The following CHD6 variants were observed in gnomAD, a reference collection of about 807,000 sequenced individuals.
CHD6 encodes the protein ATP-dependent chromatin remodeler CHD6.
A neutral mutation model predicts 276.9 loss-of-function variants in CHD6; 50 were observed. That is an observed-to-expected ratio of 0.18 (90% CI 0.14 to 0.23). The LOEUF is 0.23. Ranked by LOEUF, CHD6 falls within the 10% of genes least tolerant of loss-of-function variation. The pLI, the probability that CHD6 is intolerant of heterozygous loss-of-function variation, is 1.00. For missense variants in CHD6, 2,564 were observed against 3,365.8 expected (o/e 0.76, Z 5.89); for synonymous variants, 1,173 against 1,229.3 (o/e 0.95, Z 0.96).
At chr20:41,491,418 T>C (rs1481848454) in intron 11 of CHD6, among the ~76,000 whole-genome samples, 1 of 151,524 alleles carries the variant, frequency 6.6e-6, no homozygotes, top group Non-Finnish European at 1.5e-5. Context: ...AAGGATATTC[T>C]GGATTTTGTT....
intron 8 of CHD6, among the ~76,000 whole-genome samples, chr20:41,495,059 A>G (rs1249535139): frequency 6.6e-6 from 1 of 151,696 alleles, no homozygotes; most frequent in African/African-American, 2.4e-5. Context: ...AAAAAAACCC[A>G]GTTTGTTCAA....
chr20:41,541,956 C>T (rs564553193), intron 2 of CHD6, among the ~76,000 whole-genome samples: 1 of 152,236 alleles, frequency 6.6e-6, no homozygotes, highest in Non-Finnish European at 1.5e-5. Context: ...TTCTTGTTAA[C>T]TCTAGGCAGT....
chr20:41,595,124 G>T (rs1392683564), intron 1 of CHD6, among the ~76,000 whole-genome samples: 1 of 152,260 alleles, frequency 6.6e-6, no homozygotes, highest in Admixed American at 6.5e-5. Flanking sequence ...CAGGGGTGAG[G>T]GATCGAGACC....
intron 1 of CHD6, among the ~76,000 whole-genome samples, chr20:41,588,813 T>C (rs1219938375): frequency 6.6e-6 from 1 of 152,120 alleles, no homozygotes; most frequent in Non-Finnish European, 1.5e-5. Context: ...CTCCCCTTTC[T>C]CCCCTTATAG....
chr20:41,556,323 C>A (rs189058360), intron 1 of CHD6, among the ~76,000 whole-genome samples: 2,510 of 89,236 alleles, frequency 0.028, 144 homozygotes, highest in South Asian at 0.042. Context: ...AGGGAGAGGG[C>A]ACCTTTTTTT....
At chr20:41,482,812 G>A (rs985068979) in intron 16 of CHD6, among the ~76,000 whole-genome samples, 1 of 152,056 alleles carries the variant, frequency 6.6e-6, no homozygotes, top group African/African-American at 2.4e-5. Flanking sequence ...AAAATAAATT[G>A]GGATGCCATA....
intron 17 of CHD6, among the ~76,000 whole-genome samples, chr20:41,464,689 C>T (rs957291714): frequency 7.9e-5 from 12 of 152,228 alleles, no homozygotes; most frequent in Non-Finnish European, 1.6e-4. Context: ...GCTCCATGTG[C>T]ACAGAGGGTC....
rs187598120 is a variant in CHD6, at chr20:41,517,474, C to T, written c.555-2522G>A. On this transcript the variant is annotated intron_variant, in intron 3 of 36. Coordinates refer to ENST00000373233, the MANE Select transcript of CHD6 (RefSeq NM_032221.5). ...AACTATTTTGATCCAACCTAAAGAACTGAAACTCTAGGGGTCATGCCATTT... is the reference window on the plus strand; with the variant it reads ...AACTATTTTGATCCAACCTAAAGAATTGAAACTCTAGGGGTCATGCCATTT... Among the ~76,000 whole-genome samples the T allele has an allele frequency of 1.2e-4, 18 of 152,240 alleles. No homozygotes were observed. The East Asian group carries it at 3.5e-3, about 29-fold the overall frequency.
At chr20:41,564,054 G>A (rs780152773) in intron 1 of CHD6, 61 of 779,396 alleles carry the variant, frequency 7.8e-5, no homozygotes, top group South Asian at 1.3e-5. Context: ...GAACACAAGC[G>A]TTGTGGGATT....
intron 3 of CHD6, among the ~76,000 whole-genome samples, chr20:41,519,948 A>C (rs1228640950): frequency 6.6e-6 from 1 of 152,228 alleles, no homozygotes; most frequent in Non-Finnish European, 1.5e-5. Flanking sequence ...AATATCCAGA[A>C]TCAGCAACGA....
At chr20:41,458,528 T>A (rs1349029163) in intron 17 of CHD6, among the ~76,000 whole-genome samples, 1 of 152,174 alleles carries the variant, frequency 6.6e-6, no homozygotes, top group Admixed American at 6.5e-5. Context: ...AGTATTTGAA[T>A]GGACTGAAGG....
chr20:41,538,100 C>G (rs1182709497), intron 2 of CHD6, among the ~76,000 whole-genome samples: 1 of 152,144 alleles, frequency 6.6e-6, no homozygotes, highest in East Asian at 1.9e-4. Flanking sequence ...ACCTATAATC[C>G]CAGCAAAGGG....
chr20:41,424,383 G>T (rs1205688672), intron 29 of CHD6, among the ~76,000 whole-genome samples: 1 of 152,196 alleles, frequency 6.6e-6, no homozygotes, highest in Non-Finnish European at 1.5e-5. Flanking sequence ...CCTGGGCAGG[G>T]TGCTCTCCAA....
chr20:41,554,841 T>C lies in CHD6; in HGVS notation c.-23-3481A>G, dbSNP rs562152138. Reference sequence around the variant, plus strand: ...ATGTTTTCCCCACCTTTCCCCTCTTTCTATTCCACAAAACCGCCATTGTCA... The same window carrying C: ...ATGTTTTCCCCACCTTTCCCCTCTTCCTATTCCACAAAACCGCCATTGTCA... On this transcript the variant is annotated intron_variant, in intron 1 of 36. Transcript: ENST00000373233. 5.3e-5 allele frequency among the ~76,000 whole-genome samples: 8 copies of C among 152,318 alleles called. No homozygotes were observed. In the East Asian group the frequency reaches 1.5e-3, roughly 29 times the overall value.
chr20:41,464,065 A>G (rs1218232797), intron 17 of CHD6, among the ~76,000 whole-genome samples: 1 of 152,200 alleles, frequency 6.6e-6, no homozygotes, highest in Non-Finnish European at 1.5e-5. Flanking sequence ...AGTCGAGGCA[A>G]AATGTAAACA....
At chr20:41,498,254 C>T in intron 6 of CHD6, 28 bp from the exon 7 acceptor site, 1 of 1,574,246 alleles carries the variant, frequency 6.4e-7, no homozygotes, top group Non-Finnish European at 8.7e-7. Flanking sequence ...CAGTTATCAG[C>T]CCAGATCCCA....
chr20:41,591,031 T>TA (rs1430251170), intron 1 of CHD6, among the ~76,000 whole-genome samples: 1 of 151,544 alleles, frequency 6.6e-6, no homozygotes, highest in African/African-American at 2.4e-5. Context: ...TATGCAGCCA[T>TA]AAAAAAATGA....
chr20:41,415,318 A>G lies in CHD6; in HGVS notation c.6807T>C (p.Thr2269=). Residue 2269 remains threonine (T), a synonymous_variant, in exon 34 of 37, where the codon ACT becomes ACC. Coordinates refer to ENST00000373233, the MANE Select transcript of CHD6 (RefSeq NM_032221.5). ...TGAGGCTTCCATTGACAATCTGTCCAGTCACAGGATGGATCAGGCCAGCTT... is the reference window on the plus strand; with the variant it reads ...TGAGGCTTCCATTGACAATCTGTCCGGTCACAGGATGGATCAGGCCAGCTT... ...ILQAGLIHPV[T]GQIVNGSLRR... 6.2e-7 allele frequency: 1 copy of G among 1,614,128 alleles called. No individual in the cohort carries two copies. Among genetic ancestry groups the G allele is most frequent in the South Asian group, 1.1e-5 (1 of 91,076 alleles).
intron 34 of CHD6, 179 bp from the exon 35 acceptor site, chr20:41,413,694 T>G: frequency 1.4e-5 from 7 of 492,590 alleles, no homozygotes; most frequent in Admixed American, 4.0e-5. Context: ...ACATAAGCTC[T>G]TGCAAGTGAT....
Sources: gnomAD v4.1 joint callset for allele counts (sites outside exome capture counted in the v4.1 genomes callset) on GRCh38, gnomAD v4.1.1 for gene constraint, MANE v1.5 for transcripts, NCBI Gene and HGNC (gene_info 2026-07-23, HGNC 2026-07-21) for gene names.